Variants in AVPR1B observed in about 807,000 individuals in gnomAD.
The protein encoded by AVPR1B is vasopressin V1b receptor.
AVPR1B carries 25 observed loss-of-function variants against 27.5 expected under a neutral mutation model. The ratio of observed to expected loss-of-function variants is 0.91; its 90% CI spans 0.66 to 1.27. The LOEUF (loss-of-function observed/expected upper bound fraction) is 1.27. Among genes scored for constraint, AVPR1B ranks in the 50% most tolerant of loss-of-function variants. The pLI is 0.00. For missense variants in AVPR1B, 595 were observed against 556.9 expected, an observed-to-expected ratio of 1.07 and a Z score of -0.69; for synonymous variants, 248 against 240.2, an observed-to-expected ratio of 1.03 and a Z score of -0.30.
In AVPR1B at chr1:206,116,180, C is replaced by A. The variant is rs781809697; in HGVS notation, c.711G>T (p.Trp237Cys). The change falls in exon 1 of 2, where the codon TGG (tryptophan) becomes TGT (cysteine). Residue 237 changes from tryptophan to cysteine, a missense_variant. Transcript: ENST00000367126. ...TCCTCCAGCCCCCTCCTCCCACCCG[C>A]CAGGCCTGTGTCTTGACTTTTAGGT... ...CKNLKVKTQA[W>C]RVGGGGWRTW... is the part of the protein sequence containing the mutation. 10 of 1,613,982 alleles carry A rather than the reference C, an allele frequency of 6.2e-6. No individual in the cohort carries two copies. The highest frequency in any genetic ancestry group is 7.6e-6 in the Non-Finnish European group (9 of 1,180,012).
chr1:206,111,687 G>A (rs1475358555), intron 1 of AVPR1B, among the ~76,000 whole-genome samples: 2 of 152,224 alleles, frequency 1.3e-5, no homozygotes, highest in African/African-American at 4.8e-5. Context: ...AGCTTCAGAT[G>A]CACAGGCTCT....
Position 206,107,974 on chromosome 1 carries a change from A to G in AVPR1B, c.*2215T>C, listed in dbSNP as rs1313289579. On this transcript the variant is annotated 3_prime_UTR_variant, in exon 2 of 2. Coordinates refer to ENST00000367126, the MANE Select transcript of AVPR1B (RefSeq NM_000707.5). ...GAGATTGGATAACTTGCTTAAGTTG[A>G]TACAGGTAGAAAAGGGGTGAGATCA... Among the ~76,000 whole-genome samples the G allele has an allele frequency of 1.3e-5, 2 of 152,248 alleles. No homozygotes were observed. The highest frequency in any genetic ancestry group is 2.9e-5 in the Non-Finnish European group (2 of 68,048).
chr1:206,117,247 C>T lies in AVPR1B; in HGVS notation c.-357G>A, dbSNP rs760539547. 4 of 223,026 alleles carry T rather than the reference C, an allele frequency of 1.8e-5. No homozygotes were observed. Among genetic ancestry groups the T allele is most frequent in the Non-Finnish European group, 3.5e-5 (4 of 113,700 alleles). 13.8% of individuals were successfully genotyped at this position (223,026 alleles called of 1,614,324 possible). ...CACCCTCCAATCCGCCTCAAATTCT[C>T]TTTCTCCAAACTTTTCTGGAAGCCA... On this transcript the variant is annotated 5_prime_UTR_variant, in exon 1 of 2. Transcript: ENST00000367126.
chr1:206,116,991 A>C lies in AVPR1B; in HGVS notation c.-101T>G, dbSNP rs528264995. The C allele has an allele frequency of 2.7e-5, 30 of 1,092,966 alleles. No homozygotes were observed. The Admixed American group carries it at 5.3e-4, about 19-fold the overall frequency. 67.7% of individuals were successfully genotyped at this position (1,092,966 alleles called of 1,614,324 possible). On this transcript the variant is annotated 5_prime_UTR_variant, in exon 1 of 2. Coordinates refer to ENST00000367126, the MANE Select transcript of AVPR1B (RefSeq NM_000707.5). Reference sequence around the variant, plus strand: ...GTGGCAGGGGAGGTGGAGAGAAAGGAGAAGCGTTGAGAATGACAGGGAGAA... The same window carrying C: ...GTGGCAGGGGAGGTGGAGAGAAAGGCGAAGCGTTGAGAATGACAGGGAGAA...
At position 206,108,594 on chromosome 1, in the gene AVPR1B, A is replaced by C. The variant is rs1440424419; in HGVS notation, c.*1595T>G. Among the ~76,000 whole-genome samples, 4 of 152,228 alleles carry C rather than the reference A, an allele frequency of 2.6e-5. No individual in the cohort carries two copies. Among genetic ancestry groups the C allele is most frequent in the Non-Finnish European group, 5.9e-5 (4 of 68,038 alleles). On this transcript the variant is annotated 3_prime_UTR_variant, in exon 2 of 2. Coordinates refer to ENST00000367126, the MANE Select transcript of AVPR1B (RefSeq NM_000707.5). ...ACGTTAGTATAGAGCTCATGACTTT[A>C]CAAATGACTTTTATATCCACAGTCC... is the stretch of plus-strand genomic sequence containing the variant.
Position 206,110,389 on chromosome 1 carries a change from G to A in AVPR1B, c.1075C>T (p.Pro359Ser). The A allele has an allele frequency of 1.2e-6, 2 of 1,612,314 alleles. No individual in the cohort carries two copies. Among genetic ancestry groups the A allele is most frequent in the Non-Finnish European group, 1.7e-6 (2 of 1,179,388 alleles). Residue 359 changes from proline to serine, a missense_variant, in exon 2 of 2, where the codon CCC (proline) becomes TCC (serine). Pro to Ser is a moderately conservative substitution (Grantham distance 74, BLOSUM62 -1). Coordinates refer to ENST00000367126, the MANE Select transcript of AVPR1B (RefSeq NM_000707.5). ...AGCCGCCGGCGCATCCTGGGCTGGG[G>A]ACCCCCACAGCAGGCAAGGTGACGC... is the stretch of plus-strand genomic sequence containing the variant. ...PLRHLACCGG[P>S]QPRMRRRLSD...
In AVPR1B at chr1:206,116,878, G is replaced by T; in HGVS notation, c.13C>A (p.Pro5Thr). The change falls in exon 1 of 2, where the codon CCT (proline) becomes ACT (threonine). Residue 5 changes from proline (P) to threonine (T), a missense_variant. Coordinates refer to ENST00000367126, the MANE Select transcript of AVPR1B (RefSeq NM_000707.5). MDSG[P>T]LWDANPTPRG... ...GGGGTGGGGTTGGCATCCCACAGAG[G>T]CCCAGAATCCATGAGCAAGGTTTGC... 6 of 1,609,538 alleles carry T rather than the reference G, an allele frequency of 3.7e-6. No homozygotes were observed. The highest frequency in any genetic ancestry group is 5.1e-6 in the Non-Finnish European group (6 of 1,177,694).
chr1:206,116,482 A>G lies in AVPR1B; in HGVS notation c.409T>C (p.Cys137Arg). 6.2e-7 allele frequency: 1 copy of G among 1,613,952 alleles called. No individual in the cohort carries two copies. The highest frequency in any genetic ancestry group is 8.5e-7 in the Non-Finnish European group (1 of 1,179,982). Residue 137 changes from cysteine to arginine, a missense_variant, in exon 1 of 2, where the codon TGT becomes CGT. Cys to Arg is a radical substitution (Grantham distance 180). Transcript: ENST00000367126. ...AMTLDRYLAV[C>R]HPLRSLQQPG... ...TGCTGGAGGCTGCGCAGGGGGTGAC[A>G]GACAGCCAGGTAGCGGTCCAGCGTC...
chr1:206,109,916 T>C lies in AVPR1B; in HGVS notation c.*273A>G. The C allele has an allele frequency of 2.1e-6, 1 of 466,628 alleles. No homozygotes were observed. The highest frequency in any genetic ancestry group is 3.8e-6 in the Non-Finnish European group (1 of 260,158). 28.9% of individuals were successfully genotyped at this position (466,628 alleles called of 1,614,324 possible). A position where few individuals can be genotyped will look rare whatever the true frequency, so the allele number is the denominator to read the frequency against. ...CTAGATCTGGGACACCATGTGTGCA[T>C]GGACACCCTATGAATATGGCAGGAC... On this transcript the variant is annotated 3_prime_UTR_variant, in exon 2 of 2. Transcript: ENST00000367126.
At chr1:206,113,166 ACGTGC>A (rs1663407839) in intron 1 of AVPR1B, among the ~76,000 whole-genome samples, 1 of 152,082 alleles carries the variant, frequency 6.6e-6, no homozygotes, top group Admixed American at 6.5e-5. Flanking sequence ...GGGGCTGGAG[ACGTGC>A]CACAGAGGAG....
chr1:206,110,350 G>A lies in AVPR1B; in HGVS notation c.1114C>T (p.Leu372Phe), dbSNP rs782638808. Reference sequence around the variant, plus strand: ...AGCAGCGTGGTGTGGCGGCTCGAGAGGCTGCCGTCGGAGAGCCGCCGGCGC... The same window carrying A: ...AGCAGCGTGGTGTGGCGGCTCGAGAAGCTGCCGTCGGAGAGCCGCCGGCGC... ...RMRRRLSDGSLSSRHTTLLTR... is the reference protein window; with the variant it reads ...RMRRRLSDGSFSSRHTTLLTR... The change falls in exon 2 of 2, where the codon CTC (leucine) becomes TTC (phenylalanine). Residue 372 changes from leucine to phenylalanine, a missense_variant. Leu to Phe is a conservative substitution (Grantham distance 22, BLOSUM62 0). Coordinates refer to ENST00000367126, the MANE Select transcript of AVPR1B (RefSeq NM_000707.5). The A allele has an allele frequency of 5.0e-6, 8 of 1,609,482 alleles. No homozygotes were observed. Among genetic ancestry groups the A allele is most frequent in the Non-Finnish European group, 6.8e-6 (8 of 1,178,544 alleles).
In AVPR1B at chr1:206,116,590, G is replaced by A. The variant is rs782484226; in HGVS notation, c.301C>T (p.Gln101Ter). ...QLLWDITYRF[Q>*]GPDLLCRAVK... ...GCCCTGCACAGGAGGTCGGGGCCCTGGAAGCGGTAGGTGATGTCCCACAGC... is the reference window on the plus strand; with the variant it reads ...GCCCTGCACAGGAGGTCGGGGCCCTAGAAGCGGTAGGTGATGTCCCACAGC... The change falls in exon 1 of 2, where the codon CAG becomes TAG. Residue 101 changes from glutamine (Q) to a stop codon, truncating the protein, a stop_gained. Transcript: ENST00000367126. LOFTEE classifies it high-confidence loss of function. The A allele has an allele frequency of 3.7e-6, 6 of 1,614,040 alleles. No homozygotes were observed. Among genetic ancestry groups the A allele is most frequent in the Non-Finnish European group, 5.1e-6 (6 of 1,180,050 alleles).
At chr1:206,113,730 T>C (rs1553290154) in intron 1 of AVPR1B, among the ~76,000 whole-genome samples, 1 of 152,238 alleles carries the variant, frequency 6.6e-6, no homozygotes, top group African/African-American at 2.4e-5. Context: ...AGCCATGACC[T>C]GGATGAAGCT....
Position 206,109,292 on chromosome 1 carries a change from G to A in AVPR1B, c.*897C>T, listed in dbSNP as rs542265102. ...CATGATGATGTCACCTTTTCTCAAA[G>A]GAGGTCTCCTCTGTGTAGCCCCCGG... On this transcript the variant is annotated 3_prime_UTR_variant, in exon 2 of 2. Transcript: ENST00000367126. Among the ~76,000 whole-genome samples the A allele has an allele frequency of 1.6e-3, 245 of 152,276 alleles. 1 individual carries two copies. The highest frequency in any genetic ancestry group is 5.7e-3 in the African/African-American group (236 of 41,554).
chr1:206,107,896 A>G lies in AVPR1B; in HGVS notation c.*2293T>C, dbSNP rs994073242. On this transcript the variant is annotated 3_prime_UTR_variant, in exon 2 of 2. Transcript: ENST00000367126. ...TCTACAATCTTACAAATCCCTCCCA[A>G]CAAAGTGGGCATTGCTATTTCTATT... 6.6e-6 allele frequency among the ~76,000 whole-genome samples: 1 copy of G among 152,184 alleles called. No individual in the cohort carries two copies.
rs1663302663 is a variant in AVPR1B, at chr1:206,107,715, G to A, written c.*2474C>T. The stretch of plus-strand genomic sequence containing the variant: ...TAGAAGGCAAAGGGTAGACAAGAAA[G>A]TGCTTTAGTCAGCCTTGATCCCAGG... On this transcript the variant is annotated 3_prime_UTR_variant, in exon 2 of 2. Transcript: ENST00000367126. Among the ~76,000 whole-genome samples the A allele has an allele frequency of 6.6e-6, 1 of 152,220 alleles. No individual in the cohort carries two copies. The highest frequency in any genetic ancestry group is 2.4e-5 in the African/African-American group (1 of 41,450).
Position 206,108,353 on chromosome 1 carries a change from G to A in AVPR1B, c.*1836C>T, listed in dbSNP as rs1231200187. Among the ~76,000 whole-genome samples, 1 of 152,236 alleles carries A rather than the reference G, an allele frequency of 6.6e-6. No homozygotes were observed. The highest frequency in any genetic ancestry group is 2.4e-5 in the African/African-American group (1 of 41,466). ...TCTCACTCTCCAGTTCTCTAGCACT[G>A]AAGGACTGGGACGCTTTGCTCACTC... is the stretch of plus-strand genomic sequence containing the variant. On this transcript the variant is annotated 3_prime_UTR_variant, in exon 2 of 2. Transcript: ENST00000367126.
chr1:206,112,040 G>A (rs955795713), intron 1 of AVPR1B, among the ~76,000 whole-genome samples: 15 of 152,052 alleles, frequency 9.9e-5, no homozygotes, highest in African/African-American at 1.7e-4. Flanking sequence ...CTAAAAATAT[G>A]GAAAATTAGC....
chr1:206,110,727 TTTTG>T (rs549455216), intron 1 of AVPR1B, among the ~76,000 whole-genome samples: 3 of 152,260 alleles, frequency 2.0e-5, no homozygotes, highest in African/African-American at 7.2e-5. Context: ...ACCATGCTGA[TTTTG>T]TTTGTTTGTT....
Sources: gnomAD v4.1 joint callset for allele counts (sites outside exome capture counted in the v4.1 genomes callset) on GRCh38, gnomAD v4.1.1 for gene constraint, MANE v1.5 for transcripts, NCBI Gene and HGNC (gene_info 2026-07-23, HGNC 2026-07-21) for gene names.